Variants in GPR35 observed in about 807,000 individuals in gnomAD.
The protein encoded by GPR35 is G protein-coupled receptor 35.
For missense variants in GPR35, 372 were observed against 422.5 expected, an observed-to-expected ratio of 0.88 and a Z score of 1.05; for synonymous variants, 207 against 198.4, an observed-to-expected ratio of 1.04 and a Z score of -0.36.
intron 3 of GPR35, chr2:240,616,583 A>G: frequency 1.4e-6 from 1 of 733,676 alleles, no homozygotes. Context: ...GGCTCATGAT[A>G]TCTGGTGGTC....
intron 1 of GPR35, among the ~76,000 whole-genome samples, chr2:240,625,782 A>AGAGCG (rs2043365200): frequency 1.8e-4 from 2 of 11,002 alleles, no homozygotes; most frequent in Non-Finnish European, 1.6e-4. Context: ...GTCTCAGAGC[A>AGAGCG]GGGTGAGGCT....
rs1575462753 is a variant in GPR35 at position 240,616,512 on chromosome 2, G to A, written c.-453+1G>A. 1 of 779,420 alleles carries A rather than the reference G, an allele frequency of 1.3e-6. No individual in the cohort carries two copies. 48.3% of individuals were successfully genotyped at this position (779,420 alleles called of 1,614,324 possible). A position where few individuals can be genotyped will look rare whatever the true frequency, so the allele number is the denominator to read the frequency against. On this transcript the variant is annotated splice_donor_variant, in intron 3 of 5. Transcript: ENST00000319838. LOFTEE classifies it low-confidence loss of function (5UTR_SPLICE). The stretch of plus-strand genomic sequence containing the variant: ...AGCTCCGATACTTCACCAGATTCAG[G>A]TGAGAGTTTTGGTTTTTTGACAAGC...
rs939953032 is a variant in GPR35 at position 240,631,976 on chromosome 2, C to T, written c.*1094C>T. On this transcript the variant is annotated 3_prime_UTR_variant, in exon 2 of 2. Coordinates refer to ENST00000407714, the MANE Select transcript of GPR35 (RefSeq NM_005301.5). ...CTGATGGCATCTCACAGGACCCAGG[C>T]TCCGGAGGGCCCATGCCCAGGAGAG... Among the ~76,000 whole-genome samples the T allele has an allele frequency of 2.1e-5, 3 of 145,540 alleles. No homozygotes were observed. The South Asian group carries it at 7.0e-4, about 34-fold the overall frequency.
At chr2:240,621,222 A>T (rs1425034274), upstream of GPR35, among the ~76,000 whole-genome samples, 7 of 152,116 alleles carry the variant, frequency 4.6e-5, no homozygotes, top group Non-Finnish European at 7.3e-5. Context: ...AGTCATAAAG[A>T]TAAACCGTAA....
At chr2:240,620,459 G>A (rs965075594) in intron 5 of GPR35, among the ~76,000 whole-genome samples, 29 of 152,278 alleles carry the variant, frequency 1.9e-4, no homozygotes, top group Admixed American at 7.2e-4. Flanking sequence ...GCCTGGTGAA[G>A]GGAGGCGTGG....
chr2:240,630,499 C>T lies in GPR35; in HGVS notation c.547C>T (p.Pro183Ser). The T allele has an allele frequency of 1.2e-6, 2 of 1,612,978 alleles. No homozygotes were observed. Among genetic ancestry groups the T allele is most frequent in the Non-Finnish European group, 1.7e-6 (2 of 1,179,976 alleles). ...MAFPLLGFYL[P>S]LAVVVFCSLK... ...GTTCCCGCTGCTGGGATTCTACCTG[C>T]CCCTGGCCGTGGTGGTCTTCTGCTC... The change falls in exon 2 of 2, where the codon CCC becomes TCC. Residue 183 changes from proline (P) to serine (S), a missense_variant. By Grantham distance (74) the Pro-to-Ser change is moderately conservative. Coordinates refer to ENST00000407714, the MANE Select transcript of GPR35 (RefSeq NM_005301.5).
chr2:240,607,574 A>G (rs1366087946), intron 2 of GPR35: 1 of 152,148 alleles, frequency 6.6e-6, no homozygotes, highest in African/African-American at 2.4e-5. Flanking sequence ...GTGCCTAGGT[A>G]CTTTGTTTTC....
chr2:240,622,031 C>T (rs375427461), upstream of GPR35, among the ~76,000 whole-genome samples: 23 of 147,310 alleles, frequency 1.6e-4, 1 homozygote, highest in African/African-American at 4.0e-4. Flanking sequence ...CACCCCCATG[C>T]GTGGCTGATT....
upstream of GPR35, among the ~76,000 whole-genome samples, chr2:240,624,866 C>T (rs1252079408): frequency 6.9e-6 from 1 of 145,830 alleles, no homozygotes; most frequent in African/African-American, 2.6e-5. Flanking sequence ...GGGTAGGCTT[C>T]TGAGGGGGTG....
chr2:240,608,855 G>T (rs1424951333), intron 2 of GPR35, among the ~76,000 whole-genome samples: 1 of 152,164 alleles, frequency 6.6e-6, no homozygotes, highest in Non-Finnish European at 1.5e-5. Context: ...CACCATCTGG[G>T]TGAGGTATTT....
intron 4 of GPR35, chr2:240,617,748 TTCCCA>T (rs2043253715): frequency 1.2e-5 from 2 of 165,824 alleles, no homozygotes; most frequent in African/African-American, 4.8e-5. Flanking sequence ...TTTTTTGATG[TTCCCA>T]TTAACATTAT....
upstream of GPR35, among the ~76,000 whole-genome samples, chr2:240,622,962 C>A (rs11886370): frequency 6.6e-6 from 1 of 152,060 alleles, no homozygotes; most frequent in Non-Finnish European, 1.5e-5. Context: ...ACAGGCCTGG[C>A]CTGGACTGGA....
At chr2:240,610,586 A>G (rs1575459805) in intron 2 of GPR35, among the ~76,000 whole-genome samples, 1 of 152,168 alleles carries the variant, frequency 6.6e-6, no homozygotes, top group Non-Finnish European at 1.5e-5. Flanking sequence ...TCAGCCTCCC[A>G]AGTAGCTAGG....
intron 1 of GPR35, 40 bp downstream of exon 1, chr2:240,625,608 C>A: frequency 2.2e-6 from 2 of 911,786 alleles, no homozygotes; most frequent in Non-Finnish European, 2.6e-6. Context: ...CCCAGCGGGG[C>A]AGGGGCATGG....
At chr2:240,615,590 C>T (rs2043229798) in intron 2 of GPR35, among the ~76,000 whole-genome samples, 1 of 152,222 alleles carries the variant, frequency 6.6e-6, no homozygotes, top group Non-Finnish European at 1.5e-5. Context: ...GATTGTGCTT[C>T]ACCACACTCC....
At chr2:240,615,083 A>G (rs1256488486) in intron 2 of GPR35, among the ~76,000 whole-genome samples, 2 of 151,460 alleles carry the variant, frequency 1.3e-5, no homozygotes, top group African/African-American at 4.9e-5. Flanking sequence ...GTGTATGTTT[A>G]CATGTGTCTG....
chr2:240,622,517 G>A (rs1008943640), upstream of GPR35, among the ~76,000 whole-genome samples: 4 of 152,204 alleles, frequency 2.6e-5, no homozygotes, highest in African/African-American at 7.2e-5. Context: ...TAACACTCAC[G>A]ATAGCTGATG....
rs768360850 is a variant in GPR35, at chr2:240,630,507, C to T, written c.555C>T (p.Ala185=). 20 of 1,612,974 alleles carry T rather than the reference C, an allele frequency of 1.2e-5. No individual in the cohort carries two copies. The highest frequency in any genetic ancestry group is 4.5e-5 in the East Asian group (2 of 44,860). ...TGCTGGGATTCTACCTGCCCCTGGC[C>T]GTGGTGGTCTTCTGCTCCCTGAAGG... ...FPLLGFYLPL[A]VVVFCSLKVV... Residue 185 remains alanine (A), a synonymous_variant, in exon 2 of 2, where the codon GCC becomes GCT. Transcript: ENST00000407714.
intron 2 of GPR35, among the ~76,000 whole-genome samples, chr2:240,612,076 G>A (rs1013700926): frequency 2.6e-5 from 4 of 151,976 alleles, no homozygotes; most frequent in Non-Finnish European, 5.9e-5. Context: ...GTGCAAGGGG[G>A]CCTCAAAGAT....
Sources: gnomAD v4.1 joint callset for allele counts (sites outside exome capture counted in the v4.1 genomes callset) on GRCh38, gnomAD v4.1.1 for gene constraint, MANE v1.5 for transcripts, NCBI Gene and HGNC (gene_info 2026-07-23, HGNC 2026-07-21) for gene names.